Variants in MYO7A observed in about 807,000 individuals in gnomAD.
MYO7A encodes unconventional myosin-VIIa.
MYO7A carries 210 observed loss-of-function variants against 263.8 expected under a neutral mutation model. That is an observed-to-expected ratio of 0.80 (90% CI 0.71 to 0.89). The LOEUF is 0.89. Among genes scored for constraint, MYO7A ranks in the 40% least tolerant of loss-of-function variants. MYO7A has a pLI of 0.00. For synonymous variants in MYO7A, 1,239 were observed against 1,197.3 expected, an observed-to-expected ratio of 1.03 and a Z score of -0.72; for missense variants, 2,820 against 2,968.3, an observed-to-expected ratio of 0.95 and a Z score of 1.16.
At chr11:77,170,904 G>A (rs1386660371) in intron 15 of MYO7A, among the ~76,000 whole-genome samples, 1 of 152,202 alleles carries the variant, frequency 6.6e-6, no homozygotes, top group African/African-American at 2.4e-5. Flanking sequence ...TGACAGAAGA[G>A]GCACTGAGGA....
intron 15 of MYO7A, among the ~76,000 whole-genome samples, chr11:77,168,580 A>G (rs1371193853): frequency 1.3e-5 from 2 of 152,136 alleles, no homozygotes; most frequent in Admixed American, 1.3e-4. Flanking sequence ...GGATTGCTTA[A>G]GGCCAGGAGT....
chr11:77,160,890 C>A, intron 11 of MYO7A, 83 bp from the exon 12 acceptor site: 1 of 1,487,906 alleles, frequency 6.7e-7, no homozygotes, highest in South Asian at 1.2e-5. Flanking sequence ...AGGGCTGGAG[C>A]GACACCACGA....
intron 47 of MYO7A, 119 bp downstream of exon 47, chr11:77,213,154 A>G: frequency 1.3e-6 from 1 of 768,192 alleles, no homozygotes; most frequent in Non-Finnish European, 2.1e-6. Flanking sequence ...TCATCCACCC[A>G]TCACGTGGCT....
chr11:77,181,119 G>T (rs532290819), intron 22 of MYO7A, among the ~76,000 whole-genome samples: 3 of 152,228 alleles, frequency 2.0e-5, no homozygotes, highest in Non-Finnish European at 4.4e-5. Context: ...TGTCTGGGTT[G>T]GTGTGGTCCC....
chr11:77,181,975 ATGG>A lies in MYO7A; in HGVS notation c.2933_2935del (p.Val978del). The A allele has an allele frequency of 6.2e-7, 1 of 1,612,646 alleles. No individual in the cohort carries two copies. Among genetic ancestry groups the A allele is most frequent in the Non-Finnish European group, 8.5e-7 (1 of 1,179,612 alleles). ...GGACCTGGAGCGAGGGCGGAGGGAG[ATGG>A]TGGAGGAGGACCTGGATGCAGCCCT... On this transcript the variant is annotated inframe_deletion, in exon 24 of 49. Transcript: ENST00000409709.
intron 2 of MYO7A, among the ~76,000 whole-genome samples, chr11:77,135,273 A>C (rs1362826011): frequency 1.3e-5 from 2 of 152,130 alleles, no homozygotes; most frequent in Non-Finnish European, 2.9e-5. Context: ...TCTGGTTTTG[A>C]TTTGACTATT....
chr11:77,212,192 C>T (rs1435963746), intron 46 of MYO7A: 2 of 609,342 alleles, frequency 3.3e-6, no homozygotes, highest in Non-Finnish European at 6.1e-6. Flanking sequence ...TGGAGGATGG[C>T]CTGTGTTCTG....
chr11:77,206,330 A>T, intron 41 of MYO7A, 128 bp downstream of exon 41: 1 of 703,888 alleles, frequency 1.4e-6, no homozygotes, highest in East Asian at 2.8e-5. Flanking sequence ...CCTGCCCCGT[A>T]GTGGAGTCGG....
intron 13 of MYO7A, 139 bp from the exon 14 acceptor site, chr11:77,162,714 C>A: frequency 8.8e-7 from 1 of 1,137,030 alleles, no homozygotes; most frequent in Non-Finnish European, 1.2e-6. Context: ...AAATGGGGTT[C>A]CAGAGAGCGC....
At chr11:77,175,789 C>T (rs1039725166) in intron 18 of MYO7A, among the ~76,000 whole-genome samples, 17 of 152,226 alleles carry the variant, frequency 1.1e-4, no homozygotes, top group Admixed American at 1.0e-3. Context: ...CCTCATTTTC[C>T]CATCTGTAAA....
At chr11:77,207,023 C>T in intron 41 of MYO7A, 1 of 366,048 alleles carries the variant, frequency 2.7e-6, no homozygotes, top group East Asian at 4.6e-5. Flanking sequence ...CTGGACCCCT[C>T]ACTGTCACTC....
At chr11:77,156,571 G>A (rs1952474088) in intron 5 of MYO7A, 89 bp from the exon 6 acceptor site, 1 of 1,563,322 alleles carries the variant, frequency 6.4e-7, no homozygotes, top group Non-Finnish European at 8.8e-7. Flanking sequence ...AGATGGGGGA[G>A]CTGGTGGATG....
At chr11:77,194,054 C>T (rs760152619) in intron 31 of MYO7A, 23 of 586,186 alleles carry the variant, frequency 3.9e-5, no homozygotes, top group African/African-American at 1.3e-4. Flanking sequence ...AGTGGCTGCT[C>T]GATGGGCTGG....
At chr11:77,208,341 A>T in intron 42 of MYO7A, 89 bp from the exon 43 acceptor site, 1 of 1,012,466 alleles carries the variant, frequency 9.9e-7, no homozygotes, top group East Asian at 2.6e-5. Context: ...TTCCCTGAGA[A>T]GGAGCAGCTG....
At chr11:77,161,218 A>C (rs1485941984) in intron 12 of MYO7A, 103 bp downstream of exon 12, 3 of 1,405,112 alleles carry the variant, frequency 2.1e-6, no homozygotes, top group South Asian at 2.7e-5. Flanking sequence ...CTCCTGGCAC[A>C]CTCTGCCAGG....
chr11:77,146,578 G>A (rs148654944), intron 3 of MYO7A, among the ~76,000 whole-genome samples: 7 of 152,280 alleles, frequency 4.6e-5, no homozygotes, highest in Non-Finnish European at 8.8e-5. Context: ...GGTGGGGGGA[G>A]CTGATGTCCA....
intron 4 of MYO7A, among the ~76,000 whole-genome samples, chr11:77,153,293 G>T (rs1478025465): frequency 1.3e-5 from 2 of 152,056 alleles, no homozygotes; most frequent in Non-Finnish European, 2.9e-5. Context: ...CCTGCCCTGG[G>T]TGAGGGATGT....
At chr11:77,195,425 GGCA>G (rs1310384557) in intron 32 of MYO7A, among the ~76,000 whole-genome samples, 1 of 152,126 alleles carries the variant, frequency 6.6e-6, no homozygotes, top group Non-Finnish European at 1.5e-5. Context: ...CTCACATGCC[GGCA>G]GCCACTGCAG....
chr11:77,173,014 G>C (rs1954271959), intron 16 of MYO7A, 129 bp downstream of exon 16: 10 of 1,331,668 alleles, frequency 7.5e-6, no homozygotes, highest in Non-Finnish European at 1.0e-5. Context: ...GGGCACCCCG[G>C]GAGCTTACAA....
Sources: allele counts gnomAD v4.1 joint callset (sites outside exome capture counted in the v4.1 genomes callset), GRCh38; gene constraint gnomAD v4.1.1; transcripts MANE v1.5; gene names NCBI Gene and HGNC (gene_info 2026-07-23, HGNC 2026-07-21).